Variants in YPEL5 observed in about 807,000 individuals in gnomAD.
The protein encoded by YPEL5 is yippee like 5.
YPEL5 carries 1 observed loss-of-function variant against 10.5 expected under a neutral mutation model. The observed-to-expected ratio is 0.10, with a 90% confidence interval of 0.03 to 0.45. The LOEUF is 0.45. Ranked by LOEUF, YPEL5 falls within the 20% of genes least tolerant of loss-of-function variation. The pLI, the probability that YPEL5 is intolerant of heterozygous loss-of-function variation, is 0.97. For missense variants in YPEL5, 68 were observed against 159.3 expected (o/e 0.43, Z 3.09); for synonymous variants, 61 against 56.6 (o/e 1.08, Z -0.35).
intron 1 of YPEL5, among the ~76,000 whole-genome samples, chr2:30,150,947 A>C (rs1476101439): frequency 6.6e-6 from 1 of 152,196 alleles, no homozygotes; most frequent in Non-Finnish European, 1.5e-5. Context: ...TCAAGTGTGA[A>C]TGTCATATAT....
chr2:30,151,951 C>G (rs1040775513), intron 1 of YPEL5, among the ~76,000 whole-genome samples: 1 of 152,178 alleles, frequency 6.6e-6, no homozygotes, highest in African/African-American at 2.4e-5. Context: ...AGCAATCAGA[C>G]AGAAAGCAGA....
At chr2:30,155,640 TATG>T (rs1442966169) in intron 1 of YPEL5, among the ~76,000 whole-genome samples, 3 of 152,264 alleles carry the variant, frequency 2.0e-5, no homozygotes, top group Non-Finnish European at 4.4e-5. Flanking sequence ...GATAATTAGT[TATG>T]ATGGATTTAA....
chr2:30,148,710 C>T (rs1009239960), intron 1 of YPEL5, among the ~76,000 whole-genome samples: 1 of 152,218 alleles, frequency 6.6e-6, no homozygotes, highest in East Asian at 1.9e-4. Flanking sequence ...GAACTTTTCT[C>T]TAGACTAATT....
intron 2 of YPEL5, among the ~76,000 whole-genome samples, chr2:30,158,331 CTT>C (rs1235628466): frequency 6.6e-6 from 1 of 152,188 alleles, no homozygotes; most frequent in East Asian, 1.9e-4. Flanking sequence ...AATTCCAGGA[CTT>C]TTTCTTACCT....
Position 30,158,970 on chromosome 2 carries a change from T to A in YPEL5, c.*127T>A. The A allele has an allele frequency of 1.2e-6, 1 of 851,564 alleles. No individual in the cohort carries two copies. Among genetic ancestry groups the A allele is most frequent in the Non-Finnish European group, 1.8e-6 (1 of 560,040 alleles). The allele number at this position is 851,564 out of a possible 1,614,324, so 52.8% of individuals were successfully genotyped here. On this transcript the variant is annotated 3_prime_UTR_variant, in exon 3 of 3. Transcript: ENST00000261353. ...TGCGGAACAAGAGGTTGTGAGAATCTAAGATGGAACCTTTCTTTCTTTCTT... is the reference window on the plus strand; with the variant it reads ...TGCGGAACAAGAGGTTGTGAGAATCAAAGATGGAACCTTTCTTTCTTTCTT...
chr2:30,147,461 C>T (rs1675486179), intron 1 of YPEL5: 1 of 149,488 alleles, frequency 6.7e-6, no homozygotes, highest in Admixed American at 6.7e-5. Flanking sequence ...GGCGGACGGT[C>T]TGGCCGCGAC....
intron 2 of YPEL5, among the ~76,000 whole-genome samples, chr2:30,158,074 A>G (rs1454293546): frequency 6.6e-6 from 1 of 152,166 alleles, no homozygotes; most frequent in African/African-American, 2.4e-5. Flanking sequence ...ATTGTCTCAG[A>G]CCCACTTCAT....
rs1419401938 is a variant in YPEL5, at chr2:30,159,061, C to T, written c.*218C>T. 3 of 547,720 alleles carry T rather than the reference C, an allele frequency of 5.5e-6. No homozygotes were observed. The highest frequency in any genetic ancestry group is 9.6e-6 in the Non-Finnish European group (3 of 311,660). 33.9% of individuals were successfully genotyped at this position (547,720 alleles called of 1,614,324 possible). On this transcript the variant is annotated 3_prime_UTR_variant, in exon 3 of 3. Coordinates refer to ENST00000261353, the MANE Select transcript of YPEL5 (RefSeq NM_016061.3). ...GTGTAGAGAGAATATTATGCAGATG[C>T]CGTTAATTTTTTACCCTATGTTTAC...
At chr2:30,156,137 ACT>A (rs1238025294) in intron 1 of YPEL5, among the ~76,000 whole-genome samples, 4 of 151,880 alleles carry the variant, frequency 2.6e-5, no homozygotes, top group African/African-American at 4.8e-5. Flanking sequence ...AGACCTACTC[ACT>A]CTGTGTTCTC....
Position 30,158,492 on chromosome 2 carries a change from G to A in YPEL5, c.142-127G>A, listed in dbSNP as rs891622913. ...AATAAATAAGTCTTGCGTATTATAG[G>A]TTTGACTAAACTAACAAGTTCTTTC... On this transcript the variant is annotated intron_variant, in intron 2 of 2. Coordinates refer to ENST00000261353, the MANE Select transcript of YPEL5 (RefSeq NM_016061.3). The A allele has an allele frequency of 2.4e-5, 21 of 889,756 alleles. No homozygotes were observed. The African/African-American group carries it at 3.3e-4, about 14-fold the overall frequency. The allele number at this position is 889,756 out of a possible 1,614,324, so 55.1% of individuals were successfully genotyped here. A position where few individuals can be genotyped will look rare whatever the true frequency, so the allele number is the denominator to read the frequency against.
intron 1 of YPEL5, among the ~76,000 whole-genome samples, chr2:30,149,933 A>G (rs1355204004): frequency 6.6e-6 from 1 of 152,264 alleles, no homozygotes; most frequent in Non-Finnish European, 1.5e-5. Context: ...TTTTTCCGTC[A>G]GAAGGTTCTA....
chr2:30,153,092 G>A (rs1185287680), intron 1 of YPEL5, among the ~76,000 whole-genome samples: 5 of 151,922 alleles, frequency 3.3e-5, no homozygotes, highest in East Asian at 1.9e-4. Context: ...TAGTAGAGAC[G>A]GGGTTTCACA....
chr2:30,151,775 A>G (rs1675804290), intron 1 of YPEL5, among the ~76,000 whole-genome samples: 1 of 152,188 alleles, frequency 6.6e-6, no homozygotes, highest in Non-Finnish European at 1.5e-5. Flanking sequence ...GTGTGTTGCT[A>G]CTAAAGGACA....
chr2:30,153,062 G>A (rs528163878), intron 1 of YPEL5, among the ~76,000 whole-genome samples: 170 of 152,002 alleles, frequency 1.1e-3, no homozygotes, highest in African/African-American at 3.4e-3. Flanking sequence ...CACCATGCCC[G>A]GCTAATTTTT....
chr2:30,150,595 G>C (rs2103507719), intron 1 of YPEL5, among the ~76,000 whole-genome samples: 1 of 152,252 alleles, frequency 6.6e-6, no homozygotes, highest in Admixed American at 6.5e-5. Context: ...ATGCTGAACT[G>C]GTTACGGAAA....
intron 1 of YPEL5, chr2:30,156,348 C>G (rs1473794221): frequency 3.7e-6 from 1 of 273,532 alleles, no homozygotes; most frequent in Non-Finnish European, 6.9e-6. Context: ...TCTTTTTCCA[C>G]ACCAGCCATA....
rs1278284205 is a variant in YPEL5 at position 30,158,770 on chromosome 2, G to A, written c.293G>A (p.Arg98His). 5 of 1,614,188 alleles carry A rather than the reference G, an allele frequency of 3.1e-6. No individual in the cohort carries two copies. The highest frequency in any genetic ancestry group is 2.2e-5 in the East Asian group (1 of 44,886). The change falls in exon 3 of 3, where the codon CGC becomes CAC. Residue 98 changes from arginine to histidine, a missense_variant. Physicochemically the swap from Arg to His is conservative, Grantham distance 29. Transcript: ENST00000261353. ...GACAGCCAGCGATATAAGGAAGGCC[G>A]CGTGATCCTGGAACGTGCTCTAGTT... ...TEDSQRYKEG[R>H]VILERALVRE...
chr2:30,156,583 A>C, intron 1 of YPEL5, 45 bp from the exon 2 acceptor site: 1 of 1,582,858 alleles, frequency 6.3e-7, no homozygotes, highest in East Asian at 2.2e-5. Context: ...AGGTGCTAAC[A>C]TGATTATTAT....
intron 1 of YPEL5, among the ~76,000 whole-genome samples, chr2:30,153,480 A>G (rs1464367259): frequency 6.6e-6 from 1 of 152,144 alleles, no homozygotes; most frequent in Non-Finnish European, 1.5e-5. Context: ...TCACATATGA[A>G]TGGTGGGGGC....
Sources: gnomAD v4.1 joint callset for allele counts (sites outside exome capture counted in the v4.1 genomes callset) on GRCh38, gnomAD v4.1.1 for gene constraint, MANE v1.5 for transcripts, NCBI Gene and HGNC (gene_info 2026-07-23, HGNC 2026-07-21) for gene names.